PMP22: variants seen among roughly 807,000 people sequenced by gnomAD.
PMP22 encodes the protein peripheral myelin protein 22, also known as Charcot-Marie-Tooth neuropathy 1A (greatly reduced nerve conduction velocity, hereditary motor sensory neuropathy Ia).
A neutral mutation model predicts 18.9 loss-of-function variants in PMP22; 2 were observed. The ratio of observed to expected loss-of-function variants is 0.11; its 90% confidence interval spans 0.04 to 0.33. PMP22 has a LOEUF of 0.33. Among genes scored for constraint, PMP22 ranks in the 10% least tolerant of loss-of-function variants. The pLI is 1.00. For missense variants in PMP22, 169 were observed against 202.2 expected (o/e 0.84, Z 1.00); for synonymous variants, 95 against 89.2 (o/e 1.07, Z -0.37).
chr17:15,239,392 A>T (rs751526587), intron 4 of PMP22, 79 bp downstream of exon 4: 2 of 1,504,146 alleles, frequency 1.3e-6, no homozygotes, highest in Non-Finnish European at 1.9e-6. Context: ...TTCTGAGGCC[A>T]CATCCTTCTA....
chr17:15,246,158 C>A (rs967299800), intron 3 of PMP22, among the ~76,000 whole-genome samples: 1 of 152,218 alleles, frequency 6.6e-6, no homozygotes, highest in East Asian at 1.9e-4. Flanking sequence ...CATAAGGGTG[C>A]TACAGAGTCA....
chr17:15,260,449 G>A, intron 2 of PMP22: 1 of 635,864 alleles, frequency 1.6e-6, no homozygotes, highest in East Asian at 2.8e-5. Flanking sequence ...CCAGCCCAGC[G>A]CTCGCTTGGT....
chr17:15,232,684 CTT>C (rs1474790647), intron 4 of PMP22: 1 of 152,244 alleles, frequency 6.6e-6, no homozygotes, highest in Non-Finnish European at 1.5e-5. Context: ...CAGGACAACA[CTT>C]ATCATCATGC....
At chr17:15,244,255 C>CA (rs1214122772) in intron 3 of PMP22, among the ~76,000 whole-genome samples, 2 of 151,266 alleles carry the variant, frequency 1.3e-5, no homozygotes, top group South Asian at 2.1e-4. Context: ...AGGCAAAATT[C>CA]AAAAAAAATG....
At chr17:15,249,073 T>C (rs562053618) in intron 3 of PMP22, among the ~76,000 whole-genome samples, 1 of 152,278 alleles carries the variant, frequency 6.6e-6, no homozygotes, top group East Asian at 1.9e-4. Flanking sequence ...ACACGCATTA[T>C]GGAAATGAAG....
chr17:15,243,593 C>G (rs1205879436), intron 3 of PMP22, among the ~76,000 whole-genome samples: 1 of 150,568 alleles, frequency 6.6e-6, no homozygotes, highest in Non-Finnish European at 1.5e-5. Flanking sequence ...CTATATTTTG[C>G]TTATTACAGT....
At position 15,231,017 on chromosome 17, in the gene PMP22, G is replaced by A. The variant is rs778731157; in HGVS notation, c.383C>T (p.Ser128Leu). The A allele has an allele frequency of 2.5e-5, 40 of 1,613,972 alleles. No individual in the cohort carries two copies. The highest frequency in any genetic ancestry group is 4.5e-5 in the East Asian group (2 of 44,886). ...TVRHPEWHLN[S>L]DYSYGFAYIL... ...GTAGGCGAAACCGTAGGAGTAATCC[G>A]AGTTGAGATGCCACTCCGGGTGCCT... The change falls in exon 5 of 5, where the codon TCG (serine) becomes TTG (leucine). Residue 128 changes from serine to leucine, a missense_variant. Transcript: ENST00000312280.
At position 15,240,847 on chromosome 17, in the gene PMP22, G is replaced by T. The variant is rs565781943; in HGVS notation, c.179-1236C>A. 2.6e-5 allele frequency among the ~76,000 whole-genome samples: 4 copies of T among 152,260 alleles called. No homozygotes were observed. In the East Asian group the frequency reaches 5.8e-4, roughly 22 times the overall value. ...AAGCATACCTTCAATGCTTCACCCA[G>T]TACTCACAGCTCTGAAATCTGGATG... is the stretch of plus-strand genomic sequence containing the variant. On this transcript the variant is annotated intron_variant, in intron 3 of 4. Coordinates refer to ENST00000312280, the MANE Select transcript of PMP22 (RefSeq NM_000304.4).
In PMP22 at chr17:15,261,608, A is replaced by C. The variant is rs1390143922; in HGVS notation, c.-34-847T>G. ...ACTCAAAGCCAGGACACGAACCCCAACAAGCCTGAGCTCCGGTCTGGGTGC... is the reference window on the plus strand; with the variant it reads ...ACTCAAAGCCAGGACACGAACCCCACCAAGCCTGAGCTCCGGTCTGGGTGC... On this transcript the variant is annotated intron_variant, in intron 1 of 4. Coordinates refer to ENST00000312280, the MANE Select transcript of PMP22 (RefSeq NM_000304.4). The surrounding 1 kb of genome is among the most constrained non-coding windows in gnomAD (Gnocchi z 5.2). The C allele has an allele frequency of 6.6e-6, 1 of 152,374 alleles. No homozygotes were observed. Among genetic ancestry groups the C allele is most frequent in the Non-Finnish European group, 1.5e-5 (1 of 68,212 alleles). 9.4% of individuals were successfully genotyped at this position (152,374 alleles called of 1,614,324 possible).
At position 15,258,071 on chromosome 17, in the gene PMP22, G is replaced by C. The variant is rs115434446; in HGVS notation, c.178+1023C>G. Reference sequence around the variant, plus strand: ...TGTTTTACTGAACTGGATCTAAACTGGTTTCTCTCGTCTGGTGTAGCATCT... The same window carrying C: ...TGTTTTACTGAACTGGATCTAAACTCGTTTCTCTCGTCTGGTGTAGCATCT... On this transcript the variant is annotated intron_variant, in intron 3 of 4. Transcript: ENST00000312280. This position sits in a 1 kb window ranked among gnomAD's most constrained non-coding sequence, Gnocchi z 4.1. Among the ~76,000 whole-genome samples the C allele has an allele frequency of 0.01, 1,592 of 152,228 alleles. 29 individuals are homozygous for C. Among genetic ancestry groups the C allele is most frequent in the African/African-American group, 0.037 (1,519 of 41,524 alleles).
chr17:15,252,203 G>A (rs1832221188), intron 3 of PMP22, among the ~76,000 whole-genome samples: 1 of 152,072 alleles, frequency 6.6e-6, no homozygotes, highest in Admixed American at 6.5e-5. Context: ...ATTGTCTGGT[G>A]TCCTTGCCAA....
At chr17:15,256,350 A>C (rs549419313) in intron 3 of PMP22, among the ~76,000 whole-genome samples, 1 of 152,242 alleles carries the variant, frequency 6.6e-6, no homozygotes, top group South Asian at 2.1e-4. Flanking sequence ...TTTCAGAAAA[A>C]AATACCAAGT....
intron 3 of PMP22, among the ~76,000 whole-genome samples, chr17:15,245,905 C>T (rs1907763164): frequency 6.6e-6 from 1 of 151,704 alleles, no homozygotes; most frequent in African/African-American, 2.4e-5. Flanking sequence ...CCCAGCTACT[C>T]TGGAGGCTGA....
intron 3 of PMP22, among the ~76,000 whole-genome samples, chr17:15,245,785 T>C (rs917640876): frequency 2.0e-5 from 3 of 151,196 alleles, no homozygotes; most frequent in Admixed American, 6.6e-5. Flanking sequence ...GGAGGGCAGA[T>C]CACGAGGTCA....
intron 4 of PMP22, among the ~76,000 whole-genome samples, chr17:15,231,704 C>T (rs934420741): frequency 3.3e-5 from 5 of 152,170 alleles, no homozygotes; most frequent in Admixed American, 2.0e-4. Context: ...ATGCAGCCGA[C>T]AGTATGACTG....
At chr17:15,242,943 G>A (rs989033115) in intron 3 of PMP22, among the ~76,000 whole-genome samples, 4 of 151,648 alleles carry the variant, frequency 2.6e-5, no homozygotes, top group South Asian at 2.1e-4. Flanking sequence ...ATAATTCCTC[G>A]GATTAAAAAA....
intron 3 of PMP22, among the ~76,000 whole-genome samples, chr17:15,243,511 AC>A (rs1363056772): frequency 1.3e-5 from 2 of 151,798 alleles, no homozygotes; most frequent in African/African-American, 4.8e-5. Context: ...GAACAAATGA[AC>A]AAAAAGAAAA....
intron 3 of PMP22, among the ~76,000 whole-genome samples, chr17:15,255,984 T>C (rs1044542024): frequency 2.6e-5 from 4 of 152,160 alleles, no homozygotes; most frequent in African/African-American, 9.7e-5. Context: ...TTGTATTCCC[T>C]GGGCCGGAGA....
At chr17:15,235,351 C>A in intron 4 of PMP22, 1 of 716,872 alleles carries the variant, frequency 1.4e-6, no homozygotes, top group Non-Finnish European at 2.6e-6. Flanking sequence ...CCTCTATGTG[C>A]CCCACATGGA....
Sources: gnomAD v4.1 joint callset for allele counts (sites outside exome capture counted in the v4.1 genomes callset) on GRCh38, gnomAD v4.1.1 for gene constraint, Gnocchi (gnomAD v3.1) non-coding constraint, MANE v1.5 for transcripts, NCBI Gene and HGNC (gene_info 2026-07-23, HGNC 2026-07-21) for gene names.